Variants in JAG1 observed in about 807,000 individuals in gnomAD.
JAG1 encodes the protein protein jagged-1.
In JAG1, 23 loss-of-function variants were observed where a neutral mutation model predicts 148.7. The observed-to-expected ratio is 0.15, with a 90% CI of 0.11 to 0.22. The LOEUF (loss-of-function observed/expected upper bound fraction) is 0.22. Ranked by LOEUF, JAG1 falls within the 10% of genes least tolerant of loss-of-function variation. The pLI, the probability that JAG1 is intolerant of heterozygous loss-of-function variation, is 1.00. For missense variants in JAG1, 1,054 were observed against 1,611.2 expected (o/e 0.65, Z 5.92); for synonymous variants, 572 against 598.3 (o/e 0.96, Z 0.64).
chr20:10,642,610 A>C lies in JAG1; in HGVS notation c.2459-9T>G. The C allele has an allele frequency of 6.5e-7, 1 of 1,549,698 alleles. No homozygotes were observed. Among genetic ancestry groups the C allele is most frequent in the Non-Finnish European group, 8.9e-7 (1 of 1,121,260 alleles). On this transcript the variant is annotated splice_polypyrimidine_tract_variant and intron_variant, in intron 20 of 25. Transcript: ENST00000254958. ...CTGGCATTCATTGATGTCTAGGAGA[A>C]ATGGAGTTCAAGTTTAGGGACTGAT...
At chr20:10,650,124 A>G (rs2067335661) in intron 9 of JAG1, 123 bp downstream of exon 9, 2 of 718,988 alleles carry the variant, frequency 2.8e-6, no homozygotes, top group Non-Finnish European at 5.1e-6. Flanking sequence ...CTTGATAATA[A>G]ATTACTTCTT....
At chr20:10,646,238 C>T (rs907787329) in intron 14 of JAG1, 154 bp from the exon 15 acceptor site, 35 of 674,138 alleles carry the variant, frequency 5.2e-5, no homozygotes, top group Non-Finnish European at 8.1e-5. Flanking sequence ...ATTAGACAGG[C>T]GGCTTATCAA....
chr20:10,644,276 TCACACACACACA>T (rs33967297), intron 19 of JAG1, 69 bp downstream of exon 19: 13,715 of 884,356 alleles, frequency 0.016, 369 homozygotes, highest in African/African-American at 0.088. Flanking sequence ...TGGGTGATTC[TCACACACACACA>T]CACACACACA....
chr20:10,652,779 T>C (rs2067355660), intron 5 of JAG1, 181 bp from the exon 6 acceptor site: 1 of 573,952 alleles, frequency 1.7e-6, no homozygotes, highest in Non-Finnish European at 3.1e-6. Context: ...TGAGCTGAGG[T>C]CCCCTCCCAG....
intron 5 of JAG1, among the ~76,000 whole-genome samples, chr20:10,655,398 T>TG (rs1253581955): frequency 6.6e-6 from 1 of 152,150 alleles, no homozygotes; most frequent in African/African-American, 2.4e-5. Context: ...AGTTACACTT[T>TG]GAGTACTGAG....
Position 10,673,017 on chromosome 20 carries a change from G to C in JAG1, c.82-11C>G, listed in dbSNP as rs1459799666. 2 of 1,604,902 alleles carry C rather than the reference G, an allele frequency of 1.2e-6. No homozygotes were observed. Among genetic ancestry groups the C allele is most frequent in the African/African-American group, 2.7e-5 (2 of 74,926 alleles). On this transcript the variant is annotated splice_polypyrimidine_tract_variant and intron_variant, in intron 1 of 25. Transcript: ENST00000254958. This position sits in a 1 kb window ranked among gnomAD's most constrained non-coding sequence, Gnocchi z 4.7. ...CGAGGCCCCACACACCTGCCGGCGA[G>C]GGAAGGAGGTAGGTCAGCGCGGGAG...
chr20:10,646,757 C>T (rs772245093), intron 14 of JAG1, among the ~76,000 whole-genome samples, 182 bp downstream of exon 14: 4 of 151,274 alleles, frequency 2.6e-5, no homozygotes, highest in Non-Finnish European at 4.4e-5. Flanking sequence ...CCTGGGAGGC[C>T]GAGGTTGTGG....
intron 3 of JAG1, 51 bp downstream of exon 3, chr20:10,663,912 C>T: frequency 6.8e-7 from 1 of 1,476,508 alleles, no homozygotes; most frequent in Non-Finnish European, 9.5e-7. Flanking sequence ...GTTGGCCAAG[C>T]CCCACACTTC....
intron 2 of JAG1, among the ~76,000 whole-genome samples, chr20:10,666,925 C>T (rs561403067): frequency 1.3e-5 from 2 of 152,350 alleles, no homozygotes; most frequent in South Asian, 4.1e-4. Flanking sequence ...CACCTCCTCC[C>T]GCCCTCCACA....
In JAG1 at chr20:10,643,767, A is replaced by G; in HGVS notation, c.2458+11T>C. On this transcript the variant is annotated intron_variant, in intron 20 of 25. Transcript: ENST00000254958. Reference sequence around the variant, plus strand: ...AAGCCATTGGGAAAACCAGACGGAGACAGTCCTTACTTATTCTGCAGTCGG... The same window carrying G: ...AAGCCATTGGGAAAACCAGACGGAGGCAGTCCTTACTTATTCTGCAGTCGG... The G allele has an allele frequency of 6.2e-7, 1 of 1,610,596 alleles. No homozygotes were observed. Among genetic ancestry groups the G allele is most frequent in the Non-Finnish European group, 8.5e-7 (1 of 1,176,830 alleles).
Position 10,639,280 on chromosome 20 carries a change from G to A in JAG1, c.*218C>T. The A allele has an allele frequency of 1.6e-6, 1 of 620,496 alleles. No individual in the cohort carries two copies. Among genetic ancestry groups the A allele is most frequent in the Non-Finnish European group, 3.0e-6 (1 of 338,462 alleles). The allele number at this position is 620,496 out of a possible 1,614,324, so 38.4% of individuals were successfully genotyped here. ...CGGCTGCAAGGGGACACACAACCAG[G>A]GTACTGTTGACTAGCTTTTTGCATA... On this transcript the variant is annotated 3_prime_UTR_variant, in exon 26 of 26. Coordinates refer to ENST00000254958, the MANE Select transcript of JAG1 (RefSeq NM_000214.3).
chr20:10,648,161 G>C (rs767056253), intron 12 of JAG1, 51 bp from the exon 13 acceptor site: 1 of 1,610,090 alleles, frequency 6.2e-7, no homozygotes, highest in South Asian at 1.1e-5. Context: ...GTAAAACAAA[G>C]GTGTCACGAT....
chr20:10,652,999 T>C (rs891207633), intron 5 of JAG1, among the ~76,000 whole-genome samples: 2 of 152,054 alleles, frequency 1.3e-5, no homozygotes, highest in Non-Finnish European at 2.9e-5. Context: ...ACGCTGCACT[T>C]GCCACTCTGC....
At chr20:10,656,276 T>A (rs2067378451) in intron 5 of JAG1, 122 bp downstream of exon 5, 3 of 785,750 alleles carry the variant, frequency 3.8e-6, no homozygotes, top group Non-Finnish European at 6.5e-6. Flanking sequence ...CTATCTGAAT[T>A]TTTTTTTTAA....
At chr20:10,647,847 G>T in intron 13 of JAG1, 113 bp downstream of exon 13, 1 of 1,140,742 alleles carries the variant, frequency 8.8e-7, no homozygotes, top group Non-Finnish European at 1.3e-6. Flanking sequence ...TTTCACTATA[G>T]AGGTCCTCCT....
intron 8 of JAG1, chr20:10,651,361 C>G (rs1000501370): frequency 5.8e-6 from 3 of 521,284 alleles, no homozygotes; most frequent in Non-Finnish European, 1.0e-5. Flanking sequence ...CGAGGACGTT[C>G]CTTCCAAGAA....
chr20:10,650,386 T>G (rs1250854088), intron 8 of JAG1, 26 bp from the exon 9 acceptor site: 1 of 1,341,358 alleles, frequency 7.5e-7, no homozygotes, highest in African/African-American at 1.4e-5. Context: ...AGGAGGGGGT[T>G]GACAATTTAA....
intron 3 of JAG1, among the ~76,000 whole-genome samples, chr20:10,660,032 A>G (rs2067405543): frequency 6.6e-6 from 1 of 152,230 alleles, no homozygotes; most frequent in South Asian, 2.1e-4. Context: ...CAAATTCAAG[A>G]CCATCTTGGA....
At chr20:10,659,499 A>T (rs1395100757) in intron 3 of JAG1, among the ~76,000 whole-genome samples, 1 of 150,866 alleles carries the variant, frequency 6.6e-6, no homozygotes, top group Admixed American at 6.6e-5. Context: ...TGTCTTGCTC[A>T]GAAAAGCTTT....
Sources: gnomAD v4.1 joint callset for allele counts (sites outside exome capture counted in the v4.1 genomes callset) on GRCh38, gnomAD v4.1.1 for gene constraint, Gnocchi (gnomAD v3.1) non-coding constraint, MANE v1.5 for transcripts, NCBI Gene and HGNC (gene_info 2026-07-23, HGNC 2026-07-21) for gene names.